The following NR6A1 variants were observed in gnomAD, a reference collection of about 807,000 sequenced individuals.
NR6A1 encodes nuclear receptor subfamily 6 group A member 1.
NR6A1 carries 7 observed loss-of-function variants against 59.1 expected under a neutral mutation model. The ratio of observed to expected loss-of-function variants is 0.12; its 90% CI spans 0.07 to 0.22. NR6A1 has a LOEUF of 0.22. NR6A1 is among the 10% of genes least tolerant of loss of function. The pLI is 1.00. For missense variants in NR6A1, 468 were observed against 611.6 expected (o/e 0.77, Z 2.48); for synonymous variants, 243 against 236.1 (o/e 1.03, Z -0.27).
intron 2 of NR6A1, among the ~76,000 whole-genome samples, chr9:124,662,477 G>C (rs577636292): frequency 6.6e-6 from 1 of 152,020 alleles, no homozygotes; most frequent in Non-Finnish European, 1.5e-5. Context: ...AGAACGGCTC[G>C]CAGTGAAGTA....
intron 2 of NR6A1, among the ~76,000 whole-genome samples, chr9:124,644,612 G>A (rs915622600): frequency 1.3e-5 from 2 of 152,068 alleles, no homozygotes; most frequent in Non-Finnish European, 2.9e-5. Context: ...TTGGTAAAAG[G>A]GAAAAAGTTG....
chr9:124,768,770 TAAC>T (rs1841015108), intron 1 of NR6A1, among the ~76,000 whole-genome samples: 1 of 152,248 alleles, frequency 6.6e-6, no homozygotes, highest in African/African-American at 2.4e-5. Flanking sequence ...GAATAATTAA[TAAC>T]AAATGCAGTT....
At chr9:124,748,587 G>A (rs1199376827) in intron 1 of NR6A1, among the ~76,000 whole-genome samples, 2 of 152,156 alleles carry the variant, frequency 1.3e-5, no homozygotes, top group South Asian at 2.1e-4. Flanking sequence ...TAAGCCGGGC[G>A]CAGTGGCTCA....
chr9:124,605,233 T>C (rs1020374520), intron 2 of NR6A1, among the ~76,000 whole-genome samples: 8 of 152,118 alleles, frequency 5.3e-5, no homozygotes, highest in Non-Finnish European at 4.4e-5. Context: ...AATATCTGGG[T>C]GTGGTAAATT....
chr9:124,559,665 G>C (rs755748854), intron 2 of NR6A1, among the ~76,000 whole-genome samples: 1 of 152,014 alleles, frequency 6.6e-6, no homozygotes, highest in Non-Finnish European at 1.5e-5. Context: ...TAATCCCAGC[G>C]ACTCGGGAGG....
At chr9:124,709,839 G>C (rs1839226627) in intron 2 of NR6A1, among the ~76,000 whole-genome samples, 1 of 151,862 alleles carries the variant, frequency 6.6e-6, no homozygotes, top group African/African-American at 2.4e-5. Flanking sequence ...GGAGGCTGAG[G>C]CAGGAGAATC....
chr9:124,713,426 G>T (rs1462538656), intron 2 of NR6A1, among the ~76,000 whole-genome samples: 4 of 152,140 alleles, frequency 2.6e-5, no homozygotes, highest in Admixed American at 6.5e-5. Flanking sequence ...AAACTTTTGT[G>T]CATCGACGGA....
chr9:124,610,956 A>G (rs2130841701), intron 2 of NR6A1, among the ~76,000 whole-genome samples: 1 of 152,250 alleles, frequency 6.6e-6, no homozygotes, highest in Non-Finnish European at 1.5e-5. Flanking sequence ...TTTGACCCCA[A>G]ATAACTTTCC....
chr9:124,768,299 A>G (rs1185491121), intron 1 of NR6A1, among the ~76,000 whole-genome samples: 1 of 152,196 alleles, frequency 6.6e-6, no homozygotes, highest in Non-Finnish European at 1.5e-5. Context: ...CAGATAATTC[A>G]TTTCTTTTCT....
intron 7 of NR6A1, among the ~76,000 whole-genome samples, chr9:124,530,342 C>T (rs1833068554): frequency 6.6e-6 from 1 of 152,222 alleles, no homozygotes; most frequent in Non-Finnish European, 1.5e-5. Flanking sequence ...CTTTCCTCCA[C>T]ACCCCGCATC....
intron 2 of NR6A1, among the ~76,000 whole-genome samples, chr9:124,619,396 T>C (rs781737187): frequency 6.6e-6 from 1 of 152,084 alleles, no homozygotes; most frequent in African/African-American, 2.4e-5. Context: ...ACCAAGTAGT[T>C]GGGACTACAA....
intron 2 of NR6A1, among the ~76,000 whole-genome samples, chr9:124,682,559 T>TA (rs1315831446): frequency 3.3e-5 from 5 of 152,292 alleles, no homozygotes; most frequent in South Asian, 4.1e-4. Flanking sequence ...CACCAATTTT[T>TA]AAAAAAATAG....
chr9:124,603,017 T>C (rs146340178), intron 2 of NR6A1, among the ~76,000 whole-genome samples: 3 of 152,330 alleles, frequency 2.0e-5, no homozygotes, highest in Non-Finnish European at 4.4e-5. Flanking sequence ...CTAATCTTAC[T>C]GGACTCAATT....
In NR6A1 at chr9:124,681,338, CTT is replaced by C. The variant is rs779847656; in HGVS notation, c.142+51968_142+51969del. Among the ~76,000 whole-genome samples the C allele has an allele frequency of 5.3e-3, 587 of 110,732 alleles. 4 individuals are homozygous for C. Among genetic ancestry groups the C allele is most frequent in the African/African-American group, 0.019 (568 of 29,584 alleles). The allele number at this position is 110,732 out of a possible 152,430, so 72.6% of individuals were successfully genotyped here. On this transcript the variant is annotated intron_variant, in intron 2 of 9. Transcript: ENST00000487099. ...TTTGTTGCCAATGATAACATTTGAG[CTT>C]TTTTTTTTTTTTTTTTTTTGAGATG...
intron 1 of NR6A1, among the ~76,000 whole-genome samples, chr9:124,738,926 C>G (rs1290284679): frequency 6.6e-6 from 1 of 151,270 alleles, no homozygotes; most frequent in Non-Finnish European, 1.5e-5. Flanking sequence ...CATTTGAACC[C>G]GGGAGGCGGA....
intron 1 of NR6A1, among the ~76,000 whole-genome samples, chr9:124,749,930 A>G (rs756276984): frequency 5.3e-5 from 8 of 152,244 alleles, no homozygotes; most frequent in African/African-American, 7.2e-5. Flanking sequence ...CCAGAGTAAG[A>G]GATGATTATT....
intron 7 of NR6A1, among the ~76,000 whole-genome samples, chr9:124,527,247 C>A (rs1832962772): frequency 6.6e-6 from 1 of 152,072 alleles, no homozygotes; most frequent in African/African-American, 2.4e-5. Context: ...CCAAGAAGGT[C>A]TGGGATATAA....
At chr9:124,592,583 A>AT (rs1835159705) in intron 2 of NR6A1, among the ~76,000 whole-genome samples, 1 of 152,178 alleles carries the variant, frequency 6.6e-6, no homozygotes, top group South Asian at 2.1e-4. Context: ...GCATCCAGAT[A>AT]TTTTTCCTAG....
Position 124,521,105 on chromosome 9 carries a change from T to A in NR6A1, c.*1600A>T, listed in dbSNP as rs1232390189. The A allele has an allele frequency of 6.6e-6, 1 of 152,184 alleles. No homozygotes were observed. The highest frequency in any genetic ancestry group is 2.4e-5 in the African/African-American group (1 of 41,440). 9.4% of individuals were successfully genotyped at this position (152,184 alleles called of 1,614,324 possible). ...GGCAGAAGAAGGTGCCGTGGGCCCT[T>A]CCAACCTACCCAGGCATGCAGCCAA... On this transcript the variant is annotated 3_prime_UTR_variant, in exon 10 of 10. Coordinates refer to ENST00000487099, the MANE Select transcript of NR6A1 (RefSeq NM_033334.4).
Sources: gnomAD v4.1 joint callset for allele counts (sites outside exome capture counted in the v4.1 genomes callset) on GRCh38, gnomAD v4.1.1 for gene constraint, MANE v1.5 for transcripts, NCBI Gene and HGNC (gene_info 2026-07-23, HGNC 2026-07-21) for gene names.